The following ADIPOR2 variants were observed in gnomAD, a reference collection of about 807,000 sequenced individuals.
ADIPOR2 encodes the protein adiponectin receptor protein 2.
Under a neutral mutation model 40.9 loss-of-function variants are expected in ADIPOR2, and 18 were observed. The ratio of observed to expected loss-of-function variants is 0.44; its 90% CI spans 0.30 to 0.65. ADIPOR2 has a LOEUF of 0.65. Among genes scored for constraint, ADIPOR2 ranks in the 30% least tolerant of loss-of-function variants. The pLI is 0.09. For missense variants in ADIPOR2, 283 were observed against 479.2 expected, an observed-to-expected ratio of 0.59 and a Z score of 3.82; for synonymous variants, 165 against 166.4, an observed-to-expected ratio of 0.99 and a Z score of 0.06.
At chr12:1,708,352 C>G (rs894968725) in intron 1 of ADIPOR2, among the ~76,000 whole-genome samples, 3 of 151,936 alleles carry the variant, frequency 2.0e-5, no homozygotes, top group African/African-American at 7.3e-5. Context: ...TCTTAACAGT[C>G]TTTGGAAGAG....
intron 1 of ADIPOR2, among the ~76,000 whole-genome samples, chr12:1,694,319 C>G (rs931212931): frequency 6.6e-6 from 1 of 152,186 alleles, no homozygotes; most frequent in African/African-American, 2.4e-5. Context: ...CAGAGATATA[C>G]TGTCATCCCT....
chr12:1,784,114 A>C (rs1283926819), intron 7 of ADIPOR2, 41 bp downstream of exon 7: 1 of 1,480,424 alleles, frequency 6.8e-7, no homozygotes, highest in African/African-American at 1.4e-5. Context: ...GTATCTGCTC[A>C]TGAGTTATTG....
intron 1 of ADIPOR2, among the ~76,000 whole-genome samples, chr12:1,750,616 T>A (rs2094767108): frequency 6.6e-6 from 1 of 152,106 alleles, no homozygotes; most frequent in Admixed American, 6.5e-5. Context: ...GATCTTGAAT[T>A]CTTCCTGAAC....
chr12:1,762,774 G>T (rs1254281881), intron 2 of ADIPOR2, among the ~76,000 whole-genome samples: 1 of 152,174 alleles, frequency 6.6e-6, no homozygotes, highest in East Asian at 1.9e-4. Context: ...TACAGATGAG[G>T]AAACTGAGGT....
intron 1 of ADIPOR2, among the ~76,000 whole-genome samples, chr12:1,712,227 C>T (rs7964003): frequency 0.3 from 45,083 of 151,914 alleles, 6,891 homozygotes; most frequent in African/African-American, 0.34. Flanking sequence ...CAGTCATGCT[C>T]GATTGGTTCC....
chr12:1,705,124 T>A (rs2094659438), intron 1 of ADIPOR2, among the ~76,000 whole-genome samples: 1 of 152,200 alleles, frequency 6.6e-6, no homozygotes, highest in Admixed American at 6.5e-5. Context: ...CTTTATCACT[T>A]CAAAGTAGGG....
intron 1 of ADIPOR2, among the ~76,000 whole-genome samples, chr12:1,753,222 G>C (rs1197228770): frequency 2.0e-5 from 3 of 152,004 alleles, no homozygotes; most frequent in Admixed American, 2.0e-4. Flanking sequence ...CATATACCCT[G>C]GTCTCTTCCT....
chr12:1,750,794 A>G (rs768664930), intron 1 of ADIPOR2, among the ~76,000 whole-genome samples: 8 of 152,164 alleles, frequency 5.3e-5, no homozygotes, highest in Non-Finnish European at 1.0e-4. Context: ...TTTATGCCCC[A>G]TCACATTGAT....
At chr12:1,766,548 C>T (rs549810805) in intron 2 of ADIPOR2, among the ~76,000 whole-genome samples, 15 of 152,264 alleles carry the variant, frequency 9.9e-5, no homozygotes, top group Non-Finnish European at 1.9e-4. Context: ...ACCATTGCCC[C>T]TAGGCCTCTG....
At chr12:1,708,291 G>A (rs1288169719) in intron 1 of ADIPOR2, among the ~76,000 whole-genome samples, 2 of 151,842 alleles carry the variant, frequency 1.3e-5, no homozygotes, top group Non-Finnish European at 2.9e-5. Flanking sequence ...AGTCCACCAG[G>A]GATACCGAGA....
intron 1 of ADIPOR2, among the ~76,000 whole-genome samples, chr12:1,727,445 AT>A (rs1460271574): frequency 6.6e-6 from 1 of 152,212 alleles, no homozygotes; most frequent in Non-Finnish European, 1.5e-5. Flanking sequence ...TGCATGTATA[AT>A]CATTCACTCA....
intron 2 of ADIPOR2, among the ~76,000 whole-genome samples, chr12:1,758,441 C>T (rs1166039355): frequency 6.6e-6 from 1 of 152,154 alleles, no homozygotes. Context: ...TCTTGTTTGC[C>T]TTCCTCAATT....
chr12:1,773,027 A>G, intron 3 of ADIPOR2, 66 bp downstream of exon 3: 1 of 1,565,892 alleles, frequency 6.4e-7, no homozygotes, highest in Non-Finnish European at 8.7e-7. Flanking sequence ...GAAACCTTTA[A>G]AGAGAGTGGT....
chr12:1,724,075 G>A (rs975257467), intron 1 of ADIPOR2, among the ~76,000 whole-genome samples: 5 of 151,718 alleles, frequency 3.3e-5, no homozygotes, highest in Non-Finnish European at 7.4e-5. Flanking sequence ...TCTGCCTCCC[G>A]GGTTCAAGCG....
intron 1 of ADIPOR2, among the ~76,000 whole-genome samples, chr12:1,749,969 T>G (rs559832807): frequency 9.3e-5 from 14 of 150,972 alleles, no homozygotes; most frequent in Non-Finnish European, 1.6e-4. Flanking sequence ...CTTCAGTACC[T>G]AGACTACACA....
chr12:1,746,573 T>C lies in ADIPOR2; in HGVS notation c.-86-7685T>C, dbSNP rs76949533. ...GAAGAGTCGATACACCAAGAAGATATAACAATTATAAACATGTATGTACTG... is the reference window on the plus strand; with the variant it reads ...GAAGAGTCGATACACCAAGAAGATACAACAATTATAAACATGTATGTACTG... On this transcript the variant is annotated intron_variant, in intron 1 of 7. Transcript: ENST00000357103. 1.3e-4 allele frequency among the ~76,000 whole-genome samples: 20 copies of C among 152,188 alleles called. No homozygotes were observed. The East Asian group carries it at 3.5e-3, about 26-fold the overall frequency.
Position 1,699,238 on chromosome 12 carries a change from C to G in ADIPOR2, c.-87+8047C>G, listed in dbSNP as rs114230330. 4.2e-3 allele frequency among the ~76,000 whole-genome samples: 644 copies of G among 152,156 alleles called. 6 individuals carry two copies. The highest frequency in any genetic ancestry group is 0.015 in the African/African-American group (611 of 41,504). On this transcript the variant is annotated intron_variant, in intron 1 of 7. Coordinates refer to ENST00000357103, the MANE Select transcript of ADIPOR2 (RefSeq NM_024551.3). ...TTAAAAATCTAAATTGGTTCATGAA[C>G]CAGTAACTGTTGGGGTTACTGCTGA...
chr12:1,757,630 C>G lies in ADIPOR2; in HGVS notation c.171+3116C>G. 7 of 1,298,060 alleles carry G rather than the reference C, an allele frequency of 5.4e-6. No individual in the cohort carries two copies. The South Asian group carries it at 7.1e-5, about 13-fold the overall frequency. The allele number at this position is 1,298,060 out of a possible 1,614,324, so 80.4% of individuals were successfully genotyped here. A position where few individuals can be genotyped will look rare whatever the true frequency, so the allele number is the denominator to read the frequency against. On this transcript the variant is annotated intron_variant, in intron 2 of 7. Coordinates refer to ENST00000357103, the MANE Select transcript of ADIPOR2 (RefSeq NM_024551.3). Reference sequence around the variant, plus strand: ...CACCAGATGAGGGATTCCTTTTGTGCCCCCAGAGATTTTTCTCACTTTGTA... The same window carrying G: ...CACCAGATGAGGGATTCCTTTTGTGGCCCCAGAGATTTTTCTCACTTTGTA...
intron 1 of ADIPOR2, among the ~76,000 whole-genome samples, chr12:1,728,114 GA>G (rs2094711649): frequency 1.3e-5 from 2 of 151,368 alleles, no homozygotes; most frequent in South Asian, 2.1e-4. Flanking sequence ...GTTTGTGTTA[GA>G]TTTTTTTTTT....
Sources: allele counts gnomAD v4.1 joint callset (sites outside exome capture counted in the v4.1 genomes callset), GRCh38; gene constraint gnomAD v4.1.1; transcripts MANE v1.5; gene names NCBI Gene and HGNC (gene_info 2026-07-23, HGNC 2026-07-21).